The following PITPNC1 variants were observed in gnomAD, a reference collection of about 807,000 sequenced individuals.
The protein encoded by PITPNC1 is cytoplasmic phosphatidylinositol transfer protein 1.
In PITPNC1, 18 loss-of-function variants were observed where a neutral mutation model predicts 44.7. The observed-to-expected ratio is 0.40, with a 90% confidence interval of 0.28 to 0.60. The LOEUF (loss-of-function observed/expected upper bound fraction) is 0.60, where lower values mean the gene tolerates loss of function less well. Ranked by LOEUF, PITPNC1 falls within the 20% of genes least tolerant of loss-of-function variation. The pLI is 0.39. For synonymous variants in PITPNC1, 141 were observed against 149.6 expected (o/e 0.94, Z 0.42); for missense variants, 290 against 418.4 (o/e 0.69, Z 2.68).
chr17:67,533,632 A>G (rs2040492355), intron 2 of PITPNC1, among the ~76,000 whole-genome samples: 1 of 152,240 alleles, frequency 6.6e-6, no homozygotes, highest in South Asian at 2.1e-4. Context: ...TTTTGGTCTC[A>G]GTAAGATTTT....
Position 67,693,019 on chromosome 17 carries a change from G to A in PITPNC1, c.*131G>A. On this transcript the variant is annotated 3_prime_UTR_variant, in exon 9 of 9. Transcript: ENST00000581322. ...TCCTTCGACCTTTCAGTGTGCATGT[G>A]ACTCAGTAACTTCACATAGAATATG... 1.6e-6 allele frequency: 1 copy of A among 629,536 alleles called. No individual in the cohort carries two copies. Among genetic ancestry groups the A allele is most frequent in the Non-Finnish European group, 2.8e-6 (1 of 358,294 alleles). The allele number at this position is 629,536 out of a possible 1,614,324, so 39.0% of individuals were successfully genotyped here.
At chr17:67,379,712 C>G (rs533419146) in intron 1 of PITPNC1, among the ~76,000 whole-genome samples, 79 of 152,238 alleles carry the variant, frequency 5.2e-4, no homozygotes, top group African/African-American at 1.8e-3. Context: ...ATTGTCCCAC[C>G]TTGTGGGCAG....
At chr17:67,392,359 C>T (rs891579513) in intron 1 of PITPNC1, among the ~76,000 whole-genome samples, 2 of 152,152 alleles carry the variant, frequency 1.3e-5, no homozygotes, top group Non-Finnish European at 2.9e-5. Flanking sequence ...GTTTCTAAAT[C>T]ACACAGGGAG....
rs764564176 is a variant in PITPNC1 at position 67,378,115 on chromosome 17, C to A, written c.-40C>A. ...GCAGCCTTGCTGGTCTTGGGGGCGC[C>A]CCCCGCTTCCCGCCCCGGGGGTCCG... On this transcript the variant is annotated 5_prime_UTR_variant, in exon 1 of 9. Transcript: ENST00000581322. 181 of 1,476,550 alleles carry A rather than the reference C, an allele frequency of 1.2e-4. No individual in the cohort carries two copies. The highest frequency in any genetic ancestry group is 1.6e-4 in the Non-Finnish European group (172 of 1,098,288). 91.5% of individuals were successfully genotyped at this position (1,476,550 alleles called of 1,614,324 possible). A position where few individuals can be genotyped will look rare whatever the true frequency, so the allele number is the denominator to read the frequency against.
intron 1 of PITPNC1, chr17:67,379,360 T>G (rs1261099898): frequency 1.0e-6 from 1 of 985,390 alleles, no homozygotes; most frequent in Non-Finnish European, 1.2e-6. Flanking sequence ...TCACAGGGGC[T>G]GTCCGTATTT....
intron 1 of PITPNC1, among the ~76,000 whole-genome samples, chr17:67,388,326 G>A (rs1252979626): frequency 1.5e-5 from 2 of 130,866 alleles, no homozygotes; most frequent in Non-Finnish European, 3.1e-5. Context: ...TCTTTTTTTC[G>A]TGTTTTTTTT....
intron 6 of PITPNC1, among the ~76,000 whole-genome samples, chr17:67,644,221 G>A (rs2042121119): frequency 6.6e-6 from 1 of 152,168 alleles, no homozygotes; most frequent in African/African-American, 2.4e-5. Context: ...CTGTGGCACT[G>A]CAGTGCCGGG....
At chr17:67,599,026 ATATATATATTTTTT>A (rs1232322147) in intron 5 of PITPNC1, among the ~76,000 whole-genome samples, 2 of 32,482 alleles carry the variant, frequency 6.2e-5, no homozygotes, top group African/African-American at 2.9e-4. Flanking sequence ...ATATATATAT[ATATATATATTTTTT>A]TTTTTTTTTT....
At chr17:67,416,525 C>G (rs1038195593) in intron 1 of PITPNC1, among the ~76,000 whole-genome samples, 1 of 151,838 alleles carries the variant, frequency 6.6e-6, no homozygotes, top group Non-Finnish European at 1.5e-5. Context: ...CCATGTATTG[C>G]TATTTTATTT....
chr17:67,480,838 T>G (rs989212650), intron 1 of PITPNC1, among the ~76,000 whole-genome samples: 8 of 152,214 alleles, frequency 5.3e-5, no homozygotes, highest in Non-Finnish European at 1.0e-4. Flanking sequence ...GCCATACCTC[T>G]TCTTGGAACA....
intron 1 of PITPNC1, among the ~76,000 whole-genome samples, chr17:67,431,996 A>G (rs2038863557): frequency 6.6e-6 from 1 of 152,224 alleles, no homozygotes; most frequent in Non-Finnish European, 1.5e-5. Context: ...TAACTTCTGC[A>G]GGAAAACTTC....
intron 1 of PITPNC1, among the ~76,000 whole-genome samples, chr17:67,518,584 A>G (rs1226133272): frequency 6.6e-6 from 1 of 152,184 alleles, no homozygotes; most frequent in Non-Finnish European, 1.5e-5. Context: ...GAGAGAACCT[A>G]CAGTTGACTT....
At chr17:67,408,699 TTCCTTCC>T in intron 1 of PITPNC1, 1 of 143,584 alleles carries the variant, frequency 7.0e-6, no homozygotes, top group Non-Finnish European at 1.5e-5. Context: ...CCTTCCTTCC[TTCCTTCC>T]TTCCTTCCTT....
rs2042985163 is a variant in PITPNC1, at chr17:67,694,824, C to T, written c.*1936C>T. 1 of 152,282 alleles carries T rather than the reference C, an allele frequency of 6.6e-6. No homozygotes were observed. Among genetic ancestry groups the T allele is most frequent in the South Asian group, 2.1e-4 (1 of 4,824 alleles). The allele number at this position is 152,282 out of a possible 1,614,324, so 9.4% of individuals were successfully genotyped here. A position where few individuals can be genotyped will look rare whatever the true frequency, so the allele number is the denominator to read the frequency against. ...ATCCCTCCCTCTCCACACAGTAGTA[C>T]TTAATGAAAATGTTTTGCTTTAGAG... On this transcript the variant is annotated 3_prime_UTR_variant, in exon 9 of 9. Coordinates refer to ENST00000581322, the MANE Select transcript of PITPNC1 (RefSeq NM_012417.4).
chr17:67,686,328 C>T (rs754638497), intron 8 of PITPNC1, among the ~76,000 whole-genome samples: 2 of 150,184 alleles, frequency 1.3e-5, no homozygotes, highest in Non-Finnish European at 1.5e-5. Flanking sequence ...ACAAAATTGT[C>T]CCCCGTTGAG....
At chr17:67,425,669 A>T (rs1437010991) in intron 1 of PITPNC1, among the ~76,000 whole-genome samples, 1 of 150,456 alleles carries the variant, frequency 6.6e-6, no homozygotes, top group Non-Finnish European at 1.5e-5. Flanking sequence ...CCAGAGGCAC[A>T]CACCACCACG....
At chr17:67,550,709 A>C (rs1189584885) in intron 2 of PITPNC1, among the ~76,000 whole-genome samples, 1 of 152,118 alleles carries the variant, frequency 6.6e-6, no homozygotes. Context: ...CAGAGTAGAA[A>C]AGTAGCAAAT....
intron 8 of PITPNC1, chr17:67,687,265 C>A: frequency 1.3e-6 from 1 of 761,994 alleles, no homozygotes; most frequent in South Asian, 1.6e-5. Flanking sequence ...TGCAGATGCC[C>A]GGTTCGCAAC....
At chr17:67,670,680 G>A (rs1472302470) in intron 7 of PITPNC1, among the ~76,000 whole-genome samples, 1 of 149,052 alleles carries the variant, frequency 6.7e-6, no homozygotes, top group East Asian at 2.0e-4. Context: ...GAACCCAGGA[G>A]GCAGAGGTTG....
Sources: gnomAD v4.1 joint callset for allele counts (sites outside exome capture counted in the v4.1 genomes callset) on GRCh38, gnomAD v4.1.1 for gene constraint, MANE v1.5 for transcripts, NCBI Gene and HGNC (gene_info 2026-07-23, HGNC 2026-07-21) for gene names.